Variants in CPEB2 observed in about 807,000 individuals in gnomAD.
CPEB2 encodes cytoplasmic polyadenylation element binding protein 2.
CPEB2 carries 56 observed loss-of-function variants against 93.6 expected under a neutral mutation model. The observed-to-expected ratio is 0.60, with a 90% confidence interval of 0.48 to 0.75. CPEB2 has a LOEUF of 0.75. Among genes scored for constraint, CPEB2 ranks in the 30% least tolerant of loss-of-function variants. The pLI is 0.00. For synonymous variants in CPEB2, 764 were observed against 586.3 expected (o/e 1.30, Z -4.38); for missense variants, 1,579 against 1,395.1 (o/e 1.13, Z -2.10).
intron 5 of CPEB2, 45 bp from the exon 6 acceptor site, chr4:15,040,419 T>G: frequency 6.6e-7 from 1 of 1,526,580 alleles, no homozygotes; most frequent in Non-Finnish European, 8.8e-7. Flanking sequence ...TGTGGGCTTA[T>G]TTTTAGTTCT....
intron 5 of CPEB2, among the ~76,000 whole-genome samples, chr4:15,037,899 G>C (rs896856925): frequency 1.3e-5 from 2 of 151,976 alleles, no homozygotes; most frequent in African/African-American, 4.8e-5. Context: ...TTTCTTAATA[G>C]GTAGGTATTT....
At chr4:15,025,602 G>GCTT (rs1725359693) in intron 4 of CPEB2, among the ~76,000 whole-genome samples, 1 of 151,676 alleles carries the variant, frequency 6.6e-6, no homozygotes, top group South Asian at 2.1e-4. Context: ...CTAGTCTTCT[G>GCTT]CTTGTGAGCT....
intron 5 of CPEB2, among the ~76,000 whole-genome samples, chr4:15,036,168 A>AT (rs1392388577): frequency 6.6e-6 from 1 of 152,160 alleles, no homozygotes; most frequent in Non-Finnish European, 1.5e-5. Context: ...TCAGATATAT[A>AT]TTTTTTAAAA....
chr4:15,048,096 G>T (rs948990020), intron 6 of CPEB2, among the ~76,000 whole-genome samples: 1 of 151,588 alleles, frequency 6.6e-6, no homozygotes, highest in Non-Finnish European at 1.5e-5. Context: ...ATCATGATTT[G>T]TTTTCCATTT....
chr4:15,006,589 C>G lies in CPEB2; in HGVS notation c.1663-716C>G, dbSNP rs191830804. ...AAGATCTCTAGTGGAATAATCAAAG[C>G]ATATAGTTAATTAGCAGTATACCTC... On this transcript the variant is annotated intron_variant, in intron 1 of 11. Transcript: ENST00000538197. The G allele has an allele frequency of 2.6e-5, 4 of 152,276 alleles. No individual in the cohort carries two copies. The East Asian group carries it at 7.7e-4, about 29-fold the overall frequency. 9.4% of individuals were successfully genotyped at this position (152,276 alleles called of 1,614,324 possible).
rs772553069 is a variant in CPEB2, at chr4:15,004,242, C to T, written c.1569C>T (p.Ser523=). ...PPPAAPQQPQ[S]RRSPVSPQLQ... ...CCGCGGCGCCGCAGCAGCCGCAGAG[C>T]CGGAGGTCGCCCGTCAGCCCGCAGC... The change falls in exon 1 of 12, where the codon AGC becomes AGT. Residue 523 remains serine, a synonymous_variant. Coordinates refer to ENST00000538197, the MANE Select transcript of CPEB2 (RefSeq NM_001177382.2). 1.1e-4 allele frequency: 161 copies of T among 1,494,156 alleles called. No individual in the cohort carries two copies. Among genetic ancestry groups the T allele is most frequent in the African/African-American group, 1.6e-4 (11 of 68,402 alleles). The allele number at this position is 1,494,156 out of a possible 1,614,324, so 92.6% of individuals were successfully genotyped here.
At chr4:15,046,719 T>C (rs1199683806) in intron 6 of CPEB2, among the ~76,000 whole-genome samples, 1 of 152,216 alleles carries the variant, frequency 6.6e-6, no homozygotes, top group Non-Finnish European at 1.5e-5. Flanking sequence ...TTTTTCTTCA[T>C]TTATGGGAGT....
At chr4:15,005,619 A>G (rs2108945818) in intron 1 of CPEB2, among the ~76,000 whole-genome samples, 1 of 152,354 alleles carries the variant, frequency 6.6e-6, no homozygotes, top group Non-Finnish European at 1.5e-5. Context: ...ATATGACCTT[A>G]ACCCCATAAC....
intron 4 of CPEB2, among the ~76,000 whole-genome samples, chr4:15,028,759 G>T (rs1725753677): frequency 6.6e-6 from 1 of 151,972 alleles, no homozygotes; most frequent in South Asian, 2.1e-4. Flanking sequence ...GAAGTAGGAA[G>T]ATCCTGAAAA....
At chr4:15,015,543 A>G (rs1724030615) in intron 3 of CPEB2, among the ~76,000 whole-genome samples, 1 of 152,038 alleles carries the variant, frequency 6.6e-6, no homozygotes, top group Non-Finnish European at 1.5e-5. Context: ...CTACAACCCT[A>G]ATTTAAACAT....
intron 6 of CPEB2, among the ~76,000 whole-genome samples, chr4:15,051,261 CTAGTT>C (rs1728194995): frequency 6.6e-6 from 1 of 152,124 alleles, no homozygotes; most frequent in Admixed American, 6.5e-5. Flanking sequence ...ATCCCTGTAT[CTAGTT>C]TATTATCTTC....
chr4:15,035,134 T>G (rs1726483541), intron 5 of CPEB2, among the ~76,000 whole-genome samples: 1 of 152,232 alleles, frequency 6.6e-6, no homozygotes, highest in Non-Finnish European at 1.5e-5. Context: ...GTTGAATTAC[T>G]TAACTGACAG....
chr4:15,014,300 A>G (rs991469702), intron 3 of CPEB2, among the ~76,000 whole-genome samples: 1 of 152,076 alleles, frequency 6.6e-6, no homozygotes, highest in African/African-American at 2.4e-5. Context: ...TTCCTTTGTG[A>G]GGATTTAGGG....
At chr4:15,026,842 G>T (rs1725529320) in intron 4 of CPEB2, among the ~76,000 whole-genome samples, 1 of 152,118 alleles carries the variant, frequency 6.6e-6, no homozygotes, top group African/African-American at 2.4e-5. Context: ...AGCTTTTTCT[G>T]TGTTTATTTT....
intron 4 of CPEB2, among the ~76,000 whole-genome samples, chr4:15,025,168 C>T (rs1725311824): frequency 6.6e-6 from 1 of 151,940 alleles, no homozygotes; most frequent in Non-Finnish European, 1.5e-5. Flanking sequence ...ATTTCAAGAG[C>T]TTATGTTTAT....
At chr4:15,037,292 CAG>C (rs1258225144) in intron 5 of CPEB2, among the ~76,000 whole-genome samples, 1 of 149,980 alleles carries the variant, frequency 6.7e-6, no homozygotes, top group Non-Finnish European at 1.5e-5. Context: ...GCCTGGGCGA[CAG>C]AGCAAGACTC....
At chr4:15,028,720 G>T (rs980162741) in intron 4 of CPEB2, among the ~76,000 whole-genome samples, 1 of 151,576 alleles carries the variant, frequency 6.6e-6, no homozygotes, top group Non-Finnish European at 1.5e-5. Flanking sequence ...GTCGTATCTG[G>T]GCAAATGTAT....
intron 4 of CPEB2, among the ~76,000 whole-genome samples, chr4:15,021,700 G>C (rs766016810): frequency 1.3e-5 from 2 of 152,252 alleles, no homozygotes; most frequent in East Asian, 3.9e-4. Flanking sequence ...TTCATGAGCA[G>C]TTAAAGGGAA....
chr4:15,006,243 G>A (rs1224391883), intron 1 of CPEB2, among the ~76,000 whole-genome samples: 3 of 152,060 alleles, frequency 2.0e-5, no homozygotes, highest in African/African-American at 7.2e-5. Flanking sequence ...TTAAAAATTG[G>A]TGCTGTAGAT....
Sources: gnomAD v4.1 joint callset for allele counts (sites outside exome capture counted in the v4.1 genomes callset) on GRCh38, gnomAD v4.1.1 for gene constraint, MANE v1.5 for transcripts, NCBI Gene and HGNC (gene_info 2026-07-23, HGNC 2026-07-21) for gene names.